Variants in UBE3A observed in about 807,000 individuals in gnomAD.
The protein encoded by UBE3A is ubiquitin-protein ligase E3A.
A neutral mutation model predicts 83.4 loss-of-function variants in UBE3A; 6 were observed. That is an observed-to-expected ratio of 0.07 (90% confidence interval 0.04 to 0.14). The LOEUF is 0.14. Among genes scored for constraint, UBE3A ranks in the 10% least tolerant of loss-of-function variants. The pLI is 1.00. For synonymous variants in UBE3A, 337 were observed against 355.4 expected, an observed-to-expected ratio of 0.95 and a Z score of 0.58; for missense variants, 456 against 1,036.1, an observed-to-expected ratio of 0.44 and a Z score of 7.69.
At chr15:25,348,007 A>ATGAT (rs1383723784) in intron 11 of UBE3A, among the ~76,000 whole-genome samples, 1 of 152,182 alleles carries the variant, frequency 6.6e-6, no homozygotes, top group East Asian at 1.9e-4. Flanking sequence ...TGAAAGTAAA[A>ATGAT]TGATAGTAAA....
intron 11 of UBE3A, among the ~76,000 whole-genome samples, chr15:25,345,160 TGA>T (rs2075457572): frequency 6.6e-6 from 1 of 152,096 alleles, no homozygotes; most frequent in African/African-American, 2.4e-5. Context: ...CTGACAGCCC[TGA>T]GAACACTGCC....
At chr15:25,419,557 T>C (rs1034828353) in intron 1 of UBE3A, 1 of 151,946 alleles carries the variant, frequency 6.6e-6, no homozygotes, top group Non-Finnish European at 1.5e-5. Context: ...AGCAACAAAC[T>C]TGGATCTACA....
In UBE3A at chr15:25,371,136, A is replaced by G. The variant is rs1057520481; in HGVS notation, c.1038T>C (p.Tyr346=). ...TGTTAAATTCATTGCTTATGACTTT[A>G]TAAGTAATAAGTTGCTGAAATGTCT... is the stretch of plus-strand genomic sequence containing the variant. The part of the protein sequence containing the change: ...MMETFQQLIT[Y]KVISNEFNSR... Residue 346 remains tyrosine, a synonymous_variant, in exon 6 of 13, where the codon TAT becomes TAC. Coordinates refer to ENST00000648336, the MANE Select transcript of UBE3A (RefSeq NM_130839.5). The surrounding 1 kb of genome is among the most constrained non-coding windows in gnomAD (Gnocchi z 5.3). 15 of 1,614,066 alleles carry G rather than the reference A, an allele frequency of 9.3e-6. No individual in the cohort carries two copies. The highest frequency in any genetic ancestry group is 1.6e-4 in the Middle Eastern group (1 of 6,084).
intron 1 of UBE3A, among the ~76,000 whole-genome samples, chr15:25,426,913 G>T (rs1289672213): frequency 6.6e-6 from 1 of 151,802 alleles, no homozygotes; most frequent in Non-Finnish European, 1.5e-5. Flanking sequence ...GGAACTCCAG[G>T]GTTCAAGCAA....
Position 25,427,601 on chromosome 15 carries a change from A to C in UBE3A, c.-165+10888T>G, listed in dbSNP as rs896150989. ...GGCAACATAGGAAGACCCCATCTCTACAAAAAAAAAAAAAAAAAAAAAAAA... is the reference window on the plus strand; with the variant it reads ...GGCAACATAGGAAGACCCCATCTCTCCAAAAAAAAAAAAAAAAAAAAAAAA... On this transcript the variant is annotated intron_variant, in intron 1 of 12. Transcript: ENST00000648336. 1.4e-3 allele frequency among the ~76,000 whole-genome samples: 110 copies of C among 79,282 alleles called. 2 individuals carry two copies. The highest frequency in any genetic ancestry group is 1.3e-3 in the Non-Finnish European group (48 of 35,682). The allele number at this position is 79,282 out of a possible 152,430, so 52.0% of individuals were successfully genotyped here.
intron 1 of UBE3A, 28 bp from the exon 2 acceptor site, chr15:25,411,999 C>T (rs1432477479): frequency 6.6e-6 from 1 of 152,134 alleles, no homozygotes; most frequent in Non-Finnish European, 1.5e-5. Flanking sequence ...TCACTCAATT[C>T]TTTTTACATA....
At chr15:25,438,401 T>C (rs1020127621) in intron 1 of UBE3A, 88 bp downstream of exon 1, 6 of 151,976 alleles carry the variant, frequency 3.9e-5, no homozygotes, top group Non-Finnish European at 8.8e-5. Context: ...GGAAGGGGGG[T>C]GTCGACCTCG....
At chr15:25,426,510 G>A (rs184352640) in intron 1 of UBE3A, among the ~76,000 whole-genome samples, 194 of 152,304 alleles carry the variant, frequency 1.3e-3, no homozygotes, top group Non-Finnish European at 2.1e-3. Context: ...CTAAAGGTAG[G>A]TGGGTTTTTC....
intron 4 of UBE3A, among the ~76,000 whole-genome samples, chr15:25,383,082 C>T (rs1469617682): frequency 3.3e-5 from 5 of 151,974 alleles, no homozygotes; most frequent in East Asian, 1.9e-4. Flanking sequence ...ACTTAGATAT[C>T]GAAATCAGAC....
intron 1 of UBE3A, among the ~76,000 whole-genome samples, chr15:25,416,766 C>G (rs1018550695): frequency 6.6e-6 from 1 of 151,774 alleles, no homozygotes; most frequent in Non-Finnish European, 1.5e-5. Context: ...CCTTCTCAAA[C>G]GAGAATTTTC....
chr15:25,426,779 T>C (rs901888011), intron 1 of UBE3A, among the ~76,000 whole-genome samples: 22 of 152,160 alleles, frequency 1.4e-4, no homozygotes, highest in African/African-American at 5.1e-4. Flanking sequence ...TGAGAACATT[T>C]AGTCTTCTAT....
At chr15:25,376,756 T>C (rs139548123) in intron 4 of UBE3A, among the ~76,000 whole-genome samples, 1 of 152,336 alleles carries the variant, frequency 6.6e-6, no homozygotes, top group East Asian at 1.9e-4. Flanking sequence ...CGTCACAAGA[T>C]GGAATATTTT....
chr15:25,368,652 G>C (rs2079742215), intron 6 of UBE3A, among the ~76,000 whole-genome samples: 1 of 152,044 alleles, frequency 6.6e-6, no homozygotes, highest in East Asian at 1.9e-4. Flanking sequence ...TAATTAAGCA[G>C]AACTTGCTAA....
intron 1 of UBE3A, among the ~76,000 whole-genome samples, chr15:25,436,263 T>A (rs1057475172): frequency 6.6e-6 from 1 of 152,200 alleles, no homozygotes; most frequent in Non-Finnish European, 1.5e-5. Context: ...AAGTTTGTCT[T>A]CACCCCGATC....
chr15:25,384,340 A>G (rs1360118925), intron 4 of UBE3A, among the ~76,000 whole-genome samples: 1 of 151,814 alleles, frequency 6.6e-6, no homozygotes, highest in Non-Finnish European at 1.5e-5. Context: ...GCGCGCCTGT[A>G]ATCCCAGCCA....
chr15:25,377,969 T>G (rs981880955), intron 4 of UBE3A, among the ~76,000 whole-genome samples: 1 of 149,788 alleles, frequency 6.7e-6, no homozygotes, highest in African/African-American at 2.4e-5. Context: ...CTGGATGATG[T>G]GATTAAGTGA....
At chr15:25,375,127 T>C (rs979618000) in intron 5 of UBE3A, 2 of 266,500 alleles carry the variant, frequency 7.5e-6, no homozygotes, top group Admixed American at 1.0e-4. Context: ...CCAGAACTCA[T>C]GCCAGATACT....
intron 11 of UBE3A, among the ~76,000 whole-genome samples, chr15:25,343,832 C>T (rs1423131402): frequency 6.6e-6 from 1 of 152,108 alleles, no homozygotes; most frequent in Admixed American, 6.5e-5. Context: ...CTATATAAAA[C>T]TATAAACAGC....
At chr15:25,425,943 T>TCA (rs1190541888) in intron 1 of UBE3A, among the ~76,000 whole-genome samples, 3 of 152,218 alleles carry the variant, frequency 2.0e-5, no homozygotes, top group Non-Finnish European at 2.9e-5. Context: ...AACTCTGGAA[T>TCA]CACAACACAT....
Sources: allele counts gnomAD v4.1 joint callset (sites outside exome capture counted in the v4.1 genomes callset), GRCh38; gene constraint gnomAD v4.1.1; non-coding constraint Gnocchi (gnomAD v3.1); transcripts MANE v1.5; gene names NCBI Gene and HGNC (gene_info 2026-07-23, HGNC 2026-07-21).